Variants in CPEB3 observed in about 807,000 individuals in gnomAD.
The protein encoded by CPEB3 is cytoplasmic polyadenylation element binding protein 3.
In CPEB3, 20 loss-of-function variants were observed where a neutral mutation model predicts 67.2. The observed-to-expected ratio is 0.30, with a 90% confidence interval of 0.21 to 0.43. The LOEUF (loss-of-function observed/expected upper bound fraction) is 0.43, where lower values mean the gene tolerates loss of function less well. CPEB3 is among the 20% of genes least tolerant of loss of function. The probability of loss-of-function intolerance (pLI) is 1.00; values close to 1 mark genes in which losing one functional copy is unlikely to be tolerated. For missense variants in CPEB3, 746 were observed against 968.6 expected (o/e 0.77, Z 3.05); for synonymous variants, 376 against 393.1 (o/e 0.96, Z 0.51).
chr10:92,159,470 G>C (rs11186840), intron 4 of CPEB3, among the ~76,000 whole-genome samples: 2 of 151,696 alleles, frequency 1.3e-5, no homozygotes, highest in Non-Finnish European at 2.9e-5. Flanking sequence ...TCAGGAGTTT[G>C]AGACCATCCT....
intron 2 of CPEB3, among the ~76,000 whole-genome samples, chr10:92,196,147 A>G (rs1379762430): frequency 1.3e-5 from 2 of 152,242 alleles, no homozygotes; most frequent in African/African-American, 2.4e-5. Context: ...TCATAATTTA[A>G]AACAAAATAA....
At chr10:92,122,361 T>A (rs1239026206) in intron 6 of CPEB3, among the ~76,000 whole-genome samples, 1 of 152,194 alleles carries the variant, frequency 6.6e-6, no homozygotes, top group South Asian at 2.1e-4. Flanking sequence ...CAGAGTTCAT[T>A]AGTTAGAGTA....
Position 92,261,509 on chromosome 10 carries a change from G to A in CPEB3, c.-11-21148C>T, listed in dbSNP as rs187190086. ...TGTGCCCAGGCTGGAGTGCAATGGC[G>A]TGATCTCAGCTCACTGCAACCTCTA... On this transcript the variant is annotated intron_variant, in intron 1 of 9. Coordinates refer to ENST00000265997, the MANE Select transcript of CPEB3 (RefSeq NM_014912.5). Among the ~76,000 whole-genome samples the A allele has an allele frequency of 4.3e-4, 65 of 152,202 alleles. 1 individual carries two copies. In the South Asian group the frequency reaches 4.6e-3, roughly 11 times the overall value.
At chr10:92,275,471 T>C (rs976458416) in intron 1 of CPEB3, among the ~76,000 whole-genome samples, 1 of 152,208 alleles carries the variant, frequency 6.6e-6, no homozygotes, top group African/African-American at 2.4e-5. Context: ...TGTCATAAAT[T>C]ATTGAGTAGT....
chr10:92,069,703 T>C (rs894121229), intron 9 of CPEB3, among the ~76,000 whole-genome samples: 1 of 152,056 alleles, frequency 6.6e-6, no homozygotes, highest in Non-Finnish European at 1.5e-5. Context: ...CTGTGCCAGC[T>C]ACAATGTTCT....
chr10:92,227,666 C>A (rs1337569441), intron 2 of CPEB3, among the ~76,000 whole-genome samples: 1 of 150,264 alleles, frequency 6.7e-6, no homozygotes, highest in Non-Finnish European at 1.5e-5. Context: ...TCTCGGCTCA[C>A]TGCAGGCTCC....
At chr10:92,074,363 TGAAA>T (rs1842863599) in intron 9 of CPEB3, among the ~76,000 whole-genome samples, 2 of 152,232 alleles carry the variant, frequency 1.3e-5, no homozygotes, top group African/African-American at 4.8e-5. Context: ...GTAGTTACAC[TGAAA>T]GACAGTTATT....
intron 6 of CPEB3, among the ~76,000 whole-genome samples, chr10:92,140,254 A>C (rs1404612816): frequency 1.1e-4 from 16 of 152,212 alleles, no homozygotes; most frequent in Admixed American, 1.0e-3. Flanking sequence ...ACAGTAACCA[A>C]AACAGCATGG....
chr10:92,151,280 G>A (rs1201502670), intron 4 of CPEB3, among the ~76,000 whole-genome samples: 3 of 152,062 alleles, frequency 2.0e-5, no homozygotes, highest in African/African-American at 7.2e-5. Flanking sequence ...CAGCTCCAGG[G>A]TACCTCTGGC....
intron 8 of CPEB3, among the ~76,000 whole-genome samples, chr10:92,091,528 A>C (rs558665852): frequency 6.6e-6 from 1 of 152,260 alleles, no homozygotes; most frequent in Non-Finnish European, 1.5e-5. Flanking sequence ...GCTGACTGGC[A>C]TAAGAATGCA....
At chr10:92,191,951 T>C (rs1849003587) in intron 3 of CPEB3, among the ~76,000 whole-genome samples, 1 of 152,188 alleles carries the variant, frequency 6.6e-6, no homozygotes, top group African/African-American at 2.4e-5. Context: ...CTTTAAGATA[T>C]TTTTCTTGTG....
At chr10:92,276,219 G>T (rs1385046841) in intron 1 of CPEB3, among the ~76,000 whole-genome samples, 6 of 151,318 alleles carry the variant, frequency 4.0e-5, no homozygotes, top group African/African-American at 1.5e-4. Flanking sequence ...TCAGTTGATG[G>T]ACAATTGGGT....
chr10:92,185,895 C>T (rs1054820946), intron 3 of CPEB3, among the ~76,000 whole-genome samples: 3 of 152,030 alleles, frequency 2.0e-5, no homozygotes, highest in African/African-American at 7.2e-5. Flanking sequence ...AATGATAAAA[C>T]TTTGATACTA....
chr10:92,204,800 G>C (rs1384403001), intron 2 of CPEB3, among the ~76,000 whole-genome samples: 1 of 146,650 alleles, frequency 6.8e-6, no homozygotes. Flanking sequence ...AAACATAATA[G>C]AATATTGTAT....
intron 4 of CPEB3, among the ~76,000 whole-genome samples, chr10:92,149,706 T>C (rs1846866980): frequency 6.6e-6 from 1 of 152,174 alleles, no homozygotes; most frequent in African/African-American, 2.4e-5. Context: ...GAAATGAAAC[T>C]GCTAAGAACT....
intron 6 of CPEB3, chr10:92,118,870 T>G: frequency 3.7e-6 from 3 of 808,138 alleles, no homozygotes; most frequent in Non-Finnish European, 6.7e-6. Context: ...TCTGCCACCA[T>G]GACACTGGTA....
At chr10:92,070,575 A>C (rs1842714074) in intron 9 of CPEB3, among the ~76,000 whole-genome samples, 1 of 152,126 alleles carries the variant, frequency 6.6e-6, no homozygotes, top group African/African-American at 2.4e-5. Flanking sequence ...TCAGGAGTTC[A>C]AGGACAGCCT....
At chr10:92,256,619 T>G (rs980806507) in intron 1 of CPEB3, among the ~76,000 whole-genome samples, 3 of 152,064 alleles carry the variant, frequency 2.0e-5, no homozygotes, top group Non-Finnish European at 2.9e-5. Context: ...TCTCTTGACC[T>G]CGTGATCCGC....
chr10:92,108,105 T>C (rs189995599), intron 7 of CPEB3, among the ~76,000 whole-genome samples: 110 of 152,154 alleles, frequency 7.2e-4, no homozygotes, highest in Non-Finnish European at 1.4e-3. Context: ...AGATAAAGGG[T>C]AGAAAATCTG....
Sources: gnomAD v4.1 joint callset for allele counts (sites outside exome capture counted in the v4.1 genomes callset) on GRCh38, gnomAD v4.1.1 for gene constraint, MANE v1.5 for transcripts, NCBI Gene and HGNC (gene_info 2026-07-23, HGNC 2026-07-21) for gene names.